MMP17: variants seen among roughly 807,000 people sequenced by gnomAD.
MMP17 encodes the protein matrix metalloproteinase-17.
In MMP17, 54 loss-of-function variants were observed where a neutral mutation model predicts 49.1. That is an observed-to-expected ratio of 1.10 (90% CI 0.88 to 1.38). MMP17 has a LOEUF of 1.38. Ranked by LOEUF, MMP17 falls within the 40% of genes most tolerant of loss-of-function variation. MMP17 has a pLI of 0.00. For synonymous variants in MMP17, 397 were observed against 383.1 expected (o/e 1.04, Z -0.42); for missense variants, 837 against 853.7 (o/e 0.98, Z 0.24).
At chr12:131,830,461 A>T (rs974910528) in intron 1 of MMP17, among the ~76,000 whole-genome samples, 1 of 152,200 alleles carries the variant, frequency 6.6e-6, no homozygotes, top group African/African-American at 2.4e-5. Flanking sequence ...CCTGGCGTGG[A>T]GCCTCCGTCC....
At chr12:131,849,606 C>T (rs1464868632) in intron 8 of MMP17, among the ~76,000 whole-genome samples, 196 bp from the exon 9 acceptor site, 3 of 152,180 alleles carry the variant, frequency 2.0e-5, no homozygotes, top group Non-Finnish European at 4.4e-5. Flanking sequence ...ATGGCCCGGA[C>T]TGGGCACAGT....
rs1293459807 is a variant in MMP17, at chr12:131,828,679, G to A, written c.159+26G>A. ...GTGAGCGCGCGGGCGGGACGGGCGCGGAGCTCCTGGGCCGGAGCCGGGGGT... is the reference window on the plus strand; with the variant it reads ...GTGAGCGCGCGGGCGGGACGGGCGCAGAGCTCCTGGGCCGGAGCCGGGGGT... On this transcript the variant is annotated intron_variant, in intron 1 of 9. Transcript: ENST00000360564. 1.6e-5 allele frequency: 5 copies of A among 303,840 alleles called. No homozygotes were observed. In the East Asian group the frequency reaches 3.7e-4, roughly 22 times the overall value. 18.8% of individuals were successfully genotyped at this position (303,840 alleles called of 1,614,324 possible).
chr12:131,851,382 G>A lies in MMP17; in HGVS notation c.*108G>A, dbSNP rs977028661. The A allele has an allele frequency of 5.6e-5, 58 of 1,041,686 alleles. No homozygotes were observed. The highest frequency in any genetic ancestry group is 6.7e-4 in the Middle Eastern group (2 of 3,000). The allele number at this position is 1,041,686 out of a possible 1,614,324, so 64.5% of individuals were successfully genotyped here. A position where few individuals can be genotyped will look rare whatever the true frequency, so the allele number is the denominator to read the frequency against. ...GGAGGTGCTGGCGCGGGATGAGGAC[G>A]GGCCACCCTGGCACCGGAAGGCCAG... On this transcript the variant is annotated 3_prime_UTR_variant, in exon 10 of 10. Transcript: ENST00000360564.
At chr12:131,841,875 C>A in intron 5 of MMP17, 75 bp downstream of exon 5, 1 of 1,438,828 alleles carries the variant, frequency 7.0e-7, no homozygotes, top group Non-Finnish European at 9.2e-7. Flanking sequence ...CTGAGCAGAG[C>A]CCCCCCGGGA....
chr12:131,841,787 C>G lies in MMP17; in HGVS notation c.870C>G (p.Val290=). 1 of 1,599,270 alleles carries G rather than the reference C, an allele frequency of 6.3e-7. No homozygotes were observed. The highest frequency in any genetic ancestry group is 8.5e-7 in the Non-Finnish European group (1 of 1,174,318). Residue 290 remains valine, a synonymous_variant, in exon 5 of 10, where the codon GTC becomes GTG. Coordinates refer to ENST00000360564, the MANE Select transcript of MMP17 (RefSeq NM_016155.7). ...TCCCCTACGAGGACAAGGTGCGCGT[C>G]TGGCAGCTGTACGGTGAGTGTCTCC... is the stretch of plus-strand genomic sequence containing the variant. The part of the protein sequence containing the change: ...YGLPYEDKVR[V]WQLYGVRESV...
In MMP17 at chr12:131,851,429, G is replaced by T. The variant is rs1887970144; in HGVS notation, c.*155G>T. 2.2e-5 allele frequency: 13 copies of T among 581,440 alleles called. No homozygotes were observed. In the South Asian group the frequency reaches 5.9e-4, roughly 27 times the overall value. 36.0% of individuals were successfully genotyped at this position (581,440 alleles called of 1,614,324 possible). A position where few individuals can be genotyped will look rare whatever the true frequency, so the allele number is the denominator to read the frequency against. Reference sequence around the variant, plus strand: ...CCAGCAGAGGGCACTGTCCGCCAGGGCTGGGCAGGCTCAGGTGGCAAGGAC... The same window carrying T: ...CCAGCAGAGGGCACTGTCCGCCAGGTCTGGGCAGGCTCAGGTGGCAAGGAC... On this transcript the variant is annotated 3_prime_UTR_variant, in exon 10 of 10. Transcript: ENST00000360564.
intron 1 of MMP17, among the ~76,000 whole-genome samples, chr12:131,832,923 A>G (rs1468265685): frequency 2.0e-5 from 3 of 151,312 alleles, no homozygotes; most frequent in Non-Finnish European, 4.4e-5. Flanking sequence ...CGCCCCACGC[A>G]TCACCTGGAC....
rs570136987 is a variant in MMP17 at position 131,845,381 on chromosome 12, C to T, written c.1136C>T (p.Pro379Leu). ...ATGCACCGCTTCTGGCGGGGCCTGC[C>T]GCTGCACCTGGACAGCGTGGACGCC... is the stretch of plus-strand genomic sequence containing the variant. ...AQMHRFWRGL[P>L]LHLDSVDAVY... Residue 379 changes from proline (P) to leucine (L), a missense_variant, in exon 8 of 10, where the codon CCG becomes CTG. Coordinates refer to ENST00000360564, the MANE Select transcript of MMP17 (RefSeq NM_016155.7). 17 of 1,597,002 alleles carry T rather than the reference C, an allele frequency of 1.1e-5. No homozygotes were observed. The highest frequency in any genetic ancestry group is 4.0e-5 in the African/African-American group (3 of 74,932).
chr12:131,831,188 T>C lies in MMP17; in HGVS notation c.159+2535T>C, dbSNP rs545038320. Among the ~76,000 whole-genome samples, 152 of 152,030 alleles carry C rather than the reference T, an allele frequency of 1.0e-3. 2 individuals are homozygous for C. Among genetic ancestry groups the C allele is most frequent in the African/African-American group, 3.4e-3 (140 of 41,464 alleles). On this transcript the variant is annotated intron_variant, in intron 1 of 9. Coordinates refer to ENST00000360564, the MANE Select transcript of MMP17 (RefSeq NM_016155.7). ...GAACTTCCCGGACTCGCGGCGAGAG[T>C]GTCTCGGGATCTGGGTCCTGGGTGG...
chr12:131,843,088 C>T (rs887331612), intron 5 of MMP17, among the ~76,000 whole-genome samples: 6 of 151,902 alleles, frequency 3.9e-5, no homozygotes, highest in Non-Finnish European at 5.9e-5. Flanking sequence ...CTCAGCCTTC[C>T]GAGTAGCTGG....
chr12:131,842,050 T>C (rs756196419), intron 5 of MMP17, among the ~76,000 whole-genome samples: 52 of 152,110 alleles, frequency 3.4e-4, no homozygotes, highest in Admixed American at 1.1e-3. Context: ...GTTGATGGCG[T>C]CCCAGGCCTG....
rs147503559 is a variant in MMP17, at chr12:131,849,851, G to C, written c.1254G>C (p.Pro418=). ...FKDNNVEEGY[P]RPVSDFSLPP... is the part of the protein sequence containing the mutation. ...ACAATAACGTAGAGGAAGGATACCCGCGCCCCGTCTCCGACTTCAGCCTCC... is the reference window on the plus strand; with the variant it reads ...ACAATAACGTAGAGGAAGGATACCCCCGCCCCGTCTCCGACTTCAGCCTCC... Residue 418 remains proline, a synonymous_variant, in exon 9 of 10, where the codon CCG becomes CCC. Coordinates refer to ENST00000360564, the MANE Select transcript of MMP17 (RefSeq NM_016155.7). 6.2e-7 allele frequency: 1 copy of C among 1,613,836 alleles called. No homozygotes were observed. Among genetic ancestry groups the C allele is most frequent in the African/African-American group, 1.3e-5 (1 of 74,912 alleles).
At position 131,846,293 on chromosome 12, in the gene MMP17, C is replaced by T. The variant is rs1038290557; in HGVS notation, c.1204+844C>T. On this transcript the variant is annotated intron_variant, in intron 8 of 9. Coordinates refer to ENST00000360564, the MANE Select transcript of MMP17 (RefSeq NM_016155.7). This position sits in a 1 kb window ranked among gnomAD's most constrained non-coding sequence, Gnocchi z 4.6. The stretch of plus-strand genomic sequence containing the variant: ...GCCACCGCCTCTGTCTCCACCCGGC[C>T]GTCTCCTCCCCCATCTCCGCATCTT... Among the ~76,000 whole-genome samples, 13 of 152,186 alleles carry T rather than the reference C, an allele frequency of 8.5e-5. No individual in the cohort carries two copies. The highest frequency in any genetic ancestry group is 2.9e-4 in the African/African-American group (12 of 41,450).
At chr12:131,829,870 TC>T (rs1203571134) in intron 1 of MMP17, among the ~76,000 whole-genome samples, 1 of 152,196 alleles carries the variant, frequency 6.6e-6, no homozygotes. Flanking sequence ...CTGGCCACTG[TC>T]CCTGCTGCCC....
intron 3 of MMP17, chr12:131,840,041 G>T (rs1237071323): frequency 6.6e-6 from 1 of 152,620 alleles, no homozygotes; most frequent in Non-Finnish European, 1.5e-5. Context: ...GCCCACCCTG[G>T]CCTCCCAAAG....
At chr12:131,844,107 C>T in intron 6 of MMP17, 26 bp downstream of exon 6, 2 of 1,528,928 alleles carry the variant, frequency 1.3e-6, no homozygotes, top group Non-Finnish European at 1.8e-6. Flanking sequence ...ACGGTCACCA[C>T]CCGCTGGGGT....
At chr12:131,829,228 C>T (rs1886670180) in intron 1 of MMP17, among the ~76,000 whole-genome samples, 1 of 152,216 alleles carries the variant, frequency 6.6e-6, no homozygotes, top group African/African-American at 2.4e-5. Context: ...TTCCCCTCCA[C>T]CCCAGGTCGG....
chr12:131,844,754 G>A (rs1887604806), intron 6 of MMP17: 2 of 314,050 alleles, frequency 6.4e-6, no homozygotes, highest in Admixed American at 4.3e-5. Context: ...CTGTGAACAC[G>A]CTTCTTGTAG....
chr12:131,849,960 G>T lies in MMP17; in HGVS notation c.1363G>T (p.Asp455Tyr). 1 of 1,613,988 alleles carries T rather than the reference G, an allele frequency of 6.2e-7. No homozygotes were observed. The highest frequency in any genetic ancestry group is 8.5e-7 in the Non-Finnish European group (1 of 1,180,000). ...TAAGGACCAGCTGTACTGGCGCTAC[G>T]ATGACCACACGAGGCACATGGACCC... ...FFKDQLYWRY[D>Y]DHTRHMDPGY... Residue 455 changes from aspartate (D) to tyrosine (Y), a missense_variant, in exon 9 of 10, where the codon GAT becomes TAT. By Grantham distance (160) the Asp-to-Tyr change is radical. Transcript: ENST00000360564.
Sources: allele counts gnomAD v4.1 joint callset (sites outside exome capture counted in the v4.1 genomes callset), GRCh38; gene constraint gnomAD v4.1.1; non-coding constraint Gnocchi (gnomAD v3.1); transcripts MANE v1.5; gene names NCBI Gene and HGNC (gene_info 2026-07-23, HGNC 2026-07-21).